Variants in FBXW8 observed in about 807,000 individuals in gnomAD.
FBXW8 encodes F-box and WD repeat domain containing 8.
Under a neutral mutation model 65.3 loss-of-function variants are expected in FBXW8, and 57 were observed. The observed-to-expected ratio is 0.87, with a 90% confidence interval of 0.71 to 1.09. FBXW8 has a LOEUF of 1.09. Ranked by LOEUF, FBXW8 falls within the 50% of genes least tolerant of loss-of-function variation. FBXW8 has a pLI of 0.00. For missense variants in FBXW8, 777 were observed against 814.8 expected (o/e 0.95, Z 0.57); for synonymous variants, 308 against 330.2 (o/e 0.93, Z 0.73).
At chr12:117,006,142 G>C (rs1041423972) in intron 7 of FBXW8, among the ~76,000 whole-genome samples, 2 of 152,210 alleles carry the variant, frequency 1.3e-5, no homozygotes, top group African/African-American at 4.8e-5. Flanking sequence ...AATGCCTGGT[G>C]GTGGTTTAAT....
chr12:116,961,569 G>A lies in FBXW8; in HGVS notation c.678-3128G>A, dbSNP rs1208036952. On this transcript the variant is annotated intron_variant, in intron 4 of 10. Transcript: ENST00000652555. The surrounding 1 kb of genome is among the most constrained non-coding windows in gnomAD (Gnocchi z 4.4). ...ATTTCATTCAATAAGGTGTTAAGAT[G>A]TAAGACTTTATAGAGGGTTCTCTGG... Among the ~76,000 whole-genome samples the A allele has an allele frequency of 2.6e-5, 4 of 152,180 alleles. No individual in the cohort carries two copies. Among genetic ancestry groups the A allele is most frequent in the African/African-American group, 9.7e-5 (4 of 41,432 alleles).
At chr12:117,006,888 CCA>C (rs1953689978) in intron 7 of FBXW8, among the ~76,000 whole-genome samples, 1 of 152,160 alleles carries the variant, frequency 6.6e-6, no homozygotes, top group African/African-American at 2.4e-5. Context: ...AGTTGTGTAT[CCA>C]CAGAGAAATT....
intron 8 of FBXW8, among the ~76,000 whole-genome samples, chr12:117,011,581 C>T (rs773754172): frequency 2.0e-5 from 3 of 152,128 alleles, no homozygotes; most frequent in Non-Finnish European, 4.4e-5. Context: ...ACATGTGGCA[C>T]GGCAAAAGAA....
In FBXW8 at chr12:116,925,903, GTA is replaced by G. The variant is rs72355362; in HGVS notation, c.319-2118_319-2117del. 7.2e-3 allele frequency among the ~76,000 whole-genome samples: 1,089 copies of G among 152,302 alleles called. 13 individuals are homozygous for G. Among genetic ancestry groups the G allele is most frequent in the African/African-American group, 0.025 (1,037 of 41,570 alleles). ...TTGTTGGTAAGGTGACTGAACAGGTGTATCAGTTTGAATCTTTGCTCTGAACC... is the reference window on the plus strand; with the variant it reads ...TTGTTGGTAAGGTGACTGAACAGGTGTCAGTTTGAATCTTTGCTCTGAACC... On this transcript the variant is annotated intron_variant, in intron 1 of 10. Transcript: ENST00000652555.
intron 7 of FBXW8, among the ~76,000 whole-genome samples, chr12:116,994,338 A>G (rs1010825541): frequency 2.0e-5 from 3 of 152,240 alleles, no homozygotes; most frequent in African/African-American, 7.2e-5. Context: ...GTAAAAGTAA[A>G]TACATAGACC....
chr12:116,924,537 G>T (rs1298830020), intron 1 of FBXW8, among the ~76,000 whole-genome samples: 3 of 152,082 alleles, frequency 2.0e-5, no homozygotes, highest in African/African-American at 7.2e-5. Flanking sequence ...CTGTCTAGCT[G>T]CACTTTTATA....
intron 4 of FBXW8, among the ~76,000 whole-genome samples, chr12:116,964,062 A>G (rs1286131270): frequency 6.6e-6 from 1 of 152,260 alleles, no homozygotes; most frequent in African/African-American, 2.4e-5. Flanking sequence ...CACTAGTCAT[A>G]GGAGAGAGTG....
intron 8 of FBXW8, among the ~76,000 whole-genome samples, chr12:117,020,585 G>C (rs1195562196): frequency 2.6e-5 from 4 of 152,132 alleles, no homozygotes; most frequent in Non-Finnish European, 5.9e-5. Context: ...TCTGATTCAC[G>C]CATTCTCTGA....
rs750784821 is a variant in FBXW8, at chr12:116,964,800, A to G, written c.781A>G (p.Asn261Asp). Reference sequence around the variant, plus strand: ...GGAGGATGAGCCTGGAATGCAGCCAAATGTCTCCTTTGTGAGGATAAACAG... The same window carrying G: ...GGAGGATGAGCCTGGAATGCAGCCAGATGTCTCCTTTGTGAGGATAAACAG... ...DEEDEPGMQPNVSFVRINSSL... is the reference protein window; with the variant it reads ...DEEDEPGMQPDVSFVRINSSL... The change falls in exon 5 of 11, where the codon AAT becomes GAT. Residue 261 changes from asparagine (N) to aspartate (D), a missense_variant. Coordinates refer to ENST00000652555, the MANE Select transcript of FBXW8 (RefSeq NM_153348.3). The G allele has an allele frequency of 1.4e-5, 23 of 1,613,306 alleles. 1 individual carries two copies. The highest frequency in any genetic ancestry group is 3.7e-4 in the Middle Eastern group (2 of 5,438).
intron 9 of FBXW8, among the ~76,000 whole-genome samples, chr12:117,025,942 C>T (rs1051175191): frequency 6.6e-6 from 1 of 152,200 alleles, no homozygotes; most frequent in Non-Finnish European, 1.5e-5. Context: ...TGGCCCTGTC[C>T]CAGCACTGCC....
At chr12:116,938,371 C>T (rs1882306407) in intron 2 of FBXW8, among the ~76,000 whole-genome samples, 1 of 152,122 alleles carries the variant, frequency 6.6e-6, no homozygotes, top group East Asian at 1.9e-4. Flanking sequence ...TTATCCAGGA[C>T]TTAAACTTTA....
At chr12:117,018,020 T>C (rs1408033537) in intron 8 of FBXW8, among the ~76,000 whole-genome samples, 1 of 152,174 alleles carries the variant, frequency 6.6e-6, no homozygotes, top group Admixed American at 6.5e-5. Context: ...CTGCAAGTGT[T>C]ATAATAAGTT....
At chr12:116,962,459 C>T (rs1009117558) in intron 4 of FBXW8, among the ~76,000 whole-genome samples, 19 of 152,216 alleles carry the variant, frequency 1.2e-4, no homozygotes, top group African/African-American at 4.3e-4. Context: ...CTTTCCTCTC[C>T]ACCCTCGCCT....
intron 2 of FBXW8, among the ~76,000 whole-genome samples, chr12:116,931,665 A>G (rs1275406645): frequency 6.6e-6 from 1 of 150,656 alleles, no homozygotes; most frequent in Admixed American, 6.6e-5. Flanking sequence ...TCTTTTACAG[A>G]TAGCTTGTTG....
intron 10 of FBXW8, 86 bp downstream of exon 10, chr12:117,027,590 C>T: frequency 3.9e-6 from 4 of 1,032,786 alleles, no homozygotes; most frequent in East Asian, 2.5e-5. Flanking sequence ...ACACATTGCA[C>T]CCTATGGGCT....
rs534073380 is a variant in FBXW8, at chr12:116,985,510, C to A, written c.1032+108C>A. The A allele has an allele frequency of 4.6e-5, 48 of 1,052,818 alleles. No homozygotes were observed. The South Asian group carries it at 6.7e-4, about 15-fold the overall frequency. The allele number at this position is 1,052,818 out of a possible 1,614,324, so 65.2% of individuals were successfully genotyped here. On this transcript the variant is annotated intron_variant, in intron 6 of 10. Coordinates refer to ENST00000652555, the MANE Select transcript of FBXW8 (RefSeq NM_153348.3). ...ACTCCCATTCACTCAGAGCTTCCTGCGGGCCTTACCTCCATAAGTCTAACT... is the reference window on the plus strand; with the variant it reads ...ACTCCCATTCACTCAGAGCTTCCTGAGGGCCTTACCTCCATAAGTCTAACT...
At chr12:117,005,512 A>T (rs983036114) in intron 7 of FBXW8, among the ~76,000 whole-genome samples, 2 of 152,156 alleles carry the variant, frequency 1.3e-5, no homozygotes, top group African/African-American at 2.4e-5. Flanking sequence ...AGTGCTGCAG[A>T]GCCTCCCCTG....
intron 8 of FBXW8, among the ~76,000 whole-genome samples, chr12:117,016,002 ATCAGTATG>A (rs1953939769): frequency 6.6e-6 from 1 of 152,230 alleles, no homozygotes; most frequent in South Asian, 2.1e-4. Context: ...TGTAGCATGT[ATCAGTATG>A]TCATTCCTTT....
chr12:116,934,314 T>A (rs1565903222), intron 2 of FBXW8, among the ~76,000 whole-genome samples: 1 of 152,218 alleles, frequency 6.6e-6, no homozygotes, highest in Non-Finnish European at 1.5e-5. Flanking sequence ...GGACTTAATC[T>A]CTCTGTGGGA....
Sources: allele counts gnomAD v4.1 joint callset (sites outside exome capture counted in the v4.1 genomes callset), GRCh38; gene constraint gnomAD v4.1.1; non-coding constraint Gnocchi (gnomAD v3.1); transcripts MANE v1.5; gene names NCBI Gene and HGNC (gene_info 2026-07-23, HGNC 2026-07-21).